The following EFNA5 variants were observed in gnomAD, a reference collection of about 807,000 sequenced individuals.
EFNA5 encodes the protein ephrin-A5.
Under a neutral mutation model 22.9 loss-of-function variants are expected in EFNA5, and 5 were observed. The observed-to-expected ratio is 0.22, with a 90% CI of 0.11 to 0.46. The LOEUF (loss-of-function observed/expected upper bound fraction) is 0.46, where lower values mean the gene tolerates loss of function less well. Among genes scored for constraint, EFNA5 ranks in the 20% least tolerant of loss-of-function variants. The pLI, the probability that EFNA5 is intolerant of heterozygous loss-of-function variation, is 0.99. For missense variants in EFNA5, 237 were observed against 293.3 expected, an observed-to-expected ratio of 0.81 and a Z score of 1.40; for synonymous variants, 113 against 112.2, an observed-to-expected ratio of 1.01 and a Z score of -0.04.
intron 1 of EFNA5, among the ~76,000 whole-genome samples, chr5:107,456,819 T>C (rs78106924): frequency 0.016 from 2,445 of 152,250 alleles, 54 homozygotes; most frequent in African/African-American, 0.057. Flanking sequence ...GAAGGAAATC[T>C]GATGTTTGGG....
chr5:107,582,280 T>C (rs202030717), intron 1 of EFNA5, among the ~76,000 whole-genome samples: 131 of 152,306 alleles, frequency 8.6e-4, no homozygotes, highest in Non-Finnish European at 1.7e-3. Flanking sequence ...AAAATATGGG[T>C]AGAATGAACA....
chr5:107,391,018 G>T (rs1747781749), intron 2 of EFNA5, among the ~76,000 whole-genome samples: 1 of 152,084 alleles, frequency 6.6e-6, no homozygotes, highest in Non-Finnish European at 1.5e-5. Flanking sequence ...AATTAGCTGG[G>T]CATGGTGGCA....
chr5:107,459,900 G>A (rs1218561988), intron 1 of EFNA5, among the ~76,000 whole-genome samples: 1 of 152,066 alleles, frequency 6.6e-6, no homozygotes, highest in African/African-American at 2.4e-5. Flanking sequence ...CAAACAGCAG[G>A]GTCAGCTAGA....
intron 1 of EFNA5, among the ~76,000 whole-genome samples, chr5:107,438,597 C>A (rs996943140): frequency 6.6e-6 from 1 of 152,158 alleles, no homozygotes; most frequent in Non-Finnish European, 1.5e-5. Flanking sequence ...CTGTTCTCCA[C>A]CTACCTGACA....
chr5:107,557,235 G>A (rs547500074), intron 1 of EFNA5, among the ~76,000 whole-genome samples: 1 of 152,158 alleles, frequency 6.6e-6, no homozygotes, highest in East Asian at 1.9e-4. Flanking sequence ...TACGTGGGAG[G>A]TGCTTAGCAA....
intron 1 of EFNA5, among the ~76,000 whole-genome samples, chr5:107,567,897 T>A (rs1580534385): frequency 1.3e-5 from 2 of 152,274 alleles, no homozygotes; most frequent in African/African-American, 4.8e-5. Context: ...TTATTGTTGT[T>A]TATTTTATTT....
chr5:107,400,324 G>A (rs774092083), intron 2 of EFNA5, among the ~76,000 whole-genome samples: 4 of 142,596 alleles, frequency 2.8e-5, no homozygotes, highest in Admixed American at 1.3e-4. Context: ...AATTTTAAGC[G>A]TAAAATTTAA....
intron 1 of EFNA5, among the ~76,000 whole-genome samples, chr5:107,429,486 A>T (rs549196029): frequency 6.6e-6 from 1 of 152,144 alleles, no homozygotes; most frequent in East Asian, 1.9e-4. Context: ...TTCACTCTGG[A>T]TGCTAAATAT....
intron 1 of EFNA5, among the ~76,000 whole-genome samples, chr5:107,516,582 T>A (rs773265967): frequency 6.6e-6 from 1 of 152,192 alleles, no homozygotes; most frequent in Non-Finnish European, 1.5e-5. Flanking sequence ...CCCAAACTGC[T>A]TCTTTGATAC....
At chr5:107,550,534 T>C (rs1748271895) in intron 1 of EFNA5, among the ~76,000 whole-genome samples, 1 of 152,182 alleles carries the variant, frequency 6.6e-6, no homozygotes, top group Admixed American at 6.5e-5. Context: ...GAAAAACACA[T>C]ACTTTGCAGT....
chr5:107,393,110 T>C (rs753533032), intron 2 of EFNA5, among the ~76,000 whole-genome samples: 18 of 152,196 alleles, frequency 1.2e-4, no homozygotes, highest in Non-Finnish European at 2.4e-4. Flanking sequence ...ATACAAAATG[T>C]GAACATAAAT....
chr5:107,645,449 C>G (rs933525577), intron 1 of EFNA5, among the ~76,000 whole-genome samples: 1 of 152,110 alleles, frequency 6.6e-6, no homozygotes, highest in Non-Finnish European at 1.5e-5. Flanking sequence ...AATAACTCTG[C>G]CAAATTTATA....
intron 1 of EFNA5, among the ~76,000 whole-genome samples, chr5:107,652,091 G>A (rs1271813138): frequency 6.6e-6 from 1 of 152,108 alleles, no homozygotes; most frequent in African/African-American, 2.4e-5. Context: ...AATAAATAAA[G>A]TCTTTAAAAA....
At chr5:107,454,776 G>T (rs1749649961) in intron 1 of EFNA5, among the ~76,000 whole-genome samples, 1 of 152,008 alleles carries the variant, frequency 6.6e-6, no homozygotes, top group Non-Finnish European at 1.5e-5. Context: ...AGGCAGGGAG[G>T]GAATGAGGAA....
At chr5:107,429,098 C>T (rs1748880519) in intron 1 of EFNA5, among the ~76,000 whole-genome samples, 1 of 152,126 alleles carries the variant, frequency 6.6e-6, no homozygotes, top group African/African-American at 2.4e-5. Flanking sequence ...CGAACATAAA[C>T]ATAATAACGA....
At chr5:107,667,732 A>G (rs1413808281) in intron 1 of EFNA5, among the ~76,000 whole-genome samples, 2 of 152,168 alleles carry the variant, frequency 1.3e-5, no homozygotes, top group African/African-American at 4.8e-5. Context: ...TCTTTTTTCA[A>G]AAGATTGAAG....
intron 1 of EFNA5, among the ~76,000 whole-genome samples, chr5:107,575,063 C>T (rs985313855): frequency 5.3e-5 from 8 of 152,098 alleles, no homozygotes; most frequent in African/African-American, 1.9e-4. Flanking sequence ...TGACAATGCA[C>T]GATACTCGTT....
intron 1 of EFNA5, among the ~76,000 whole-genome samples, chr5:107,645,389 T>G (rs529388179): frequency 2.6e-5 from 4 of 152,208 alleles, no homozygotes; most frequent in Admixed American, 2.0e-4. Flanking sequence ...GTACTACCCT[T>G]CATAATTTGT....
At chr5:107,476,545 A>G (rs1580477891) in intron 1 of EFNA5, among the ~76,000 whole-genome samples, 1 of 152,156 alleles carries the variant, frequency 6.6e-6, no homozygotes, top group Non-Finnish European at 1.5e-5. Context: ...GTTTCATTAA[A>G]TATAAAACAA....
Sources: gnomAD v4.1 joint callset for allele counts (sites outside exome capture counted in the v4.1 genomes callset) on GRCh38, gnomAD v4.1.1 for gene constraint, MANE v1.5 for transcripts, NCBI Gene and HGNC (gene_info 2026-07-23, HGNC 2026-07-21) for gene names.